Variants in LAMA3 observed in about 807,000 individuals in gnomAD.
LAMA3 encodes laminin subunit alpha-3.
In LAMA3, 281 loss-of-function variants were observed where a neutral mutation model predicts 402.0. The ratio of observed to expected loss-of-function variants is 0.70; its 90% confidence interval spans 0.63 to 0.77. The LOEUF (loss-of-function observed/expected upper bound fraction) is 0.77, where lower values mean the gene tolerates loss of function less well. Ranked by LOEUF, LAMA3 falls within the 30% of genes least tolerant of loss-of-function variation. LAMA3 has a pLI of 0.00. For synonymous variants in LAMA3, 1,431 were observed against 1,558.4 expected (o/e 0.92, Z 1.93); for missense variants, 3,840 against 4,215.5 (o/e 0.91, Z 2.47).
chr18:23,767,551 G>A (rs1436873889), intron 8 of LAMA3, among the ~76,000 whole-genome samples: 1 of 149,868 alleles, frequency 6.7e-6, no homozygotes, highest in African/African-American at 2.5e-5. Flanking sequence ...AATGAGGAAA[G>A]GACTTTTTTT....
chr18:23,690,863 G>A (rs1598582866), intron 1 of LAMA3, among the ~76,000 whole-genome samples: 1 of 142,348 alleles, frequency 7.0e-6, no homozygotes, highest in Non-Finnish European at 1.6e-5. Context: ...TGCAACCTCA[G>A]GCCTGGCAAT....
chr18:23,816,547 C>A, intron 18 of LAMA3, 60 bp downstream of exon 18: 1 of 1,343,234 alleles, frequency 7.4e-7, no homozygotes, highest in East Asian at 2.3e-5. Flanking sequence ...TTAGACATTC[C>A]TGCCTGTGCT....
intron 70 of LAMA3, among the ~76,000 whole-genome samples, chr18:23,947,336 C>T (rs1208430292): frequency 6.6e-6 from 1 of 152,176 alleles, no homozygotes; most frequent in African/African-American, 2.4e-5. Flanking sequence ...AGCCTATCAA[C>T]AGCTCAGGTC....
At chr18:23,877,394 G>C (rs1341415199) in intron 39 of LAMA3, among the ~76,000 whole-genome samples, 6 of 152,118 alleles carry the variant, frequency 3.9e-5, no homozygotes, top group Admixed American at 3.3e-4. Context: ...TTTCATTAGA[G>C]TTCTTCTTGG....
At chr18:23,851,583 A>C (rs2144665225) in intron 32 of LAMA3, among the ~76,000 whole-genome samples, 1 of 152,324 alleles carries the variant, frequency 6.6e-6, no homozygotes, top group Non-Finnish European at 1.5e-5. Flanking sequence ...AGTAAGTATT[A>C]GCTGTTGTGG....
rs149750793 is a variant in LAMA3 at position 23,824,615 on chromosome 18, A to G, written c.2571+50A>G. ...GCTCCTGCGGGATTCTTCCTACCTC[A>G]GAAGTGGTTCCATCCAAGACTACAA... On this transcript the variant is annotated intron_variant, in intron 21 of 74. Transcript: ENST00000313654. 2.8e-4 allele frequency: 452 copies of G among 1,599,246 alleles called. 3 individuals are homozygous for G. The African/African-American group carries it at 5.5e-3, about 20-fold the overall frequency.
chr18:23,832,253 G>A (rs2063502606), intron 23 of LAMA3, among the ~76,000 whole-genome samples: 1 of 152,180 alleles, frequency 6.6e-6, no homozygotes, highest in Non-Finnish European at 1.5e-5. Context: ...ATGCCCAGGG[G>A]AGAAATGCTG....
intron 1 of LAMA3, among the ~76,000 whole-genome samples, chr18:23,699,425 T>C (rs1372030364): frequency 1.3e-5 from 2 of 152,168 alleles, no homozygotes; most frequent in Admixed American, 6.5e-5. Flanking sequence ...AAAAGTGTAA[T>C]TGTTTCATAA....
intron 11 of LAMA3, among the ~76,000 whole-genome samples, chr18:23,782,685 GTA>G (rs1412377235): frequency 6.6e-6 from 1 of 151,982 alleles, no homozygotes; most frequent in Non-Finnish European, 1.5e-5. Flanking sequence ...TGTATTTTTA[GTA>G]TAATAGAAAG....
chr18:23,736,068 A>G (rs570420956), intron 2 of LAMA3, among the ~76,000 whole-genome samples: 1 of 152,064 alleles, frequency 6.6e-6, no homozygotes, highest in South Asian at 2.1e-4. Context: ...AAGTATTATT[A>G]TTATTTCTTT....
At chr18:23,901,596 T>G (rs994316431) in intron 48 of LAMA3, among the ~76,000 whole-genome samples, 6 of 152,242 alleles carry the variant, frequency 3.9e-5, no homozygotes, top group Non-Finnish European at 8.8e-5. Context: ...GGAGGAATAA[T>G]GTTGCCAAAT....
At chr18:23,813,847 T>G (rs184300571) in intron 14 of LAMA3, among the ~76,000 whole-genome samples, 74 of 152,282 alleles carry the variant, frequency 4.9e-4, no homozygotes, top group African/African-American at 1.7e-3. Flanking sequence ...CGGCCTATTC[T>G]GAACAATTTT....
intron 2 of LAMA3, among the ~76,000 whole-genome samples, chr18:23,729,850 C>A (rs2061361110): frequency 6.6e-6 from 1 of 152,212 alleles, no homozygotes; most frequent in Admixed American, 6.5e-5. Flanking sequence ...CCAGAGCCAG[C>A]CTTAGGCGCT....
chr18:23,710,108 G>T (rs893195500), intron 1 of LAMA3: 12 of 717,504 alleles, frequency 1.7e-5, no homozygotes, highest in Non-Finnish European at 2.6e-5. Context: ...GCTCTGCCGA[G>T]GATATTTGGG....
chr18:23,804,203 C>T (rs1376173472), intron 12 of LAMA3, among the ~76,000 whole-genome samples: 1 of 152,164 alleles, frequency 6.6e-6, no homozygotes, highest in African/African-American at 2.4e-5. Flanking sequence ...GCTCCAAAAT[C>T]CTAAGGGTCT....
At chr18:23,916,906 G>A (rs892224422) in intron 60 of LAMA3, among the ~76,000 whole-genome samples, 1 of 151,384 alleles carries the variant, frequency 6.6e-6, no homozygotes, top group Non-Finnish European at 1.5e-5. Flanking sequence ...AGGGGTGCAG[G>A]TGCAGGTTTG....
In LAMA3 at chr18:23,879,344, G is replaced by A. The variant is rs190138098; in HGVS notation, c.5113-2592G>A. On this transcript the variant is annotated intron_variant, in intron 39 of 74. Transcript: ENST00000313654. The surrounding 1 kb of genome is among the most constrained non-coding windows in gnomAD (Gnocchi z 4.2). ...CTATTGTGAGACTGAGGTTCTGCAC[G>A]CTGTGTCCCCTGTGCCTGGAATGCC... 7.2e-5 allele frequency among the ~76,000 whole-genome samples: 11 copies of A among 152,248 alleles called. No homozygotes were observed. The highest frequency in any genetic ancestry group is 7.4e-5 in the Non-Finnish European group (5 of 68,016).
rs1435358282 is a variant in LAMA3 at position 23,851,836 on chromosome 18, C to T, written c.4136+4168C>T. Reference sequence around the variant, plus strand: ...CCCTAAGCTCTTTGAGCTCCTGTCTCCTCACATGTATTATGAAAAGTTAGA... The same window carrying T: ...CCCTAAGCTCTTTGAGCTCCTGTCTTCTCACATGTATTATGAAAAGTTAGA... On this transcript the variant is annotated intron_variant, in intron 32 of 74. Transcript: ENST00000313654. Among the ~76,000 whole-genome samples the T allele has an allele frequency of 2.0e-5, 3 of 152,200 alleles. No homozygotes were observed. In the East Asian group the frequency reaches 5.8e-4, roughly 29 times the overall value.
chr18:23,791,774 A>G (rs1468045774), intron 12 of LAMA3, among the ~76,000 whole-genome samples: 1 of 151,778 alleles, frequency 6.6e-6, no homozygotes, highest in Admixed American at 6.6e-5. Context: ...ACCCCCCAAA[A>G]AACCAAACAA....
Sources: gnomAD v4.1 joint callset for allele counts (sites outside exome capture counted in the v4.1 genomes callset) on GRCh38, gnomAD v4.1.1 for gene constraint, Gnocchi (gnomAD v3.1) non-coding constraint, MANE v1.5 for transcripts, NCBI Gene and HGNC (gene_info 2026-07-23, HGNC 2026-07-21) for gene names.